Variants in PAK5 observed in about 807,000 individuals in gnomAD.
PAK5 encodes the protein serine/threonine-protein kinase PAK 5.
A neutral mutation model predicts 65.9 loss-of-function variants in PAK5; 16 were observed. The ratio of observed to expected loss-of-function variants is 0.24; its 90% CI spans 0.16 to 0.37. The LOEUF is 0.37. Among genes scored for constraint, PAK5 ranks in the 10% least tolerant of loss-of-function variants. The pLI, the probability that PAK5 is intolerant of heterozygous loss-of-function variation, is 1.00. For synonymous variants in PAK5, 371 were observed against 354.9 expected (o/e 1.05, Z -0.51); for missense variants, 785 against 903.9 (o/e 0.87, Z 1.69).
At chr20:9,736,258 A>C (rs2048388510) in intron 1 of PAK5, among the ~76,000 whole-genome samples, 1 of 152,134 alleles carries the variant, frequency 6.6e-6, no homozygotes, top group Non-Finnish European at 1.5e-5. Context: ...AATGAACAAC[A>C]TATGACCAAC....
chr20:9,684,059 A>G lies in PAK5; in HGVS notation c.-12+27227T>C, dbSNP rs575101926. 2.6e-5 allele frequency among the ~76,000 whole-genome samples: 4 copies of G among 152,338 alleles called. No individual in the cohort carries two copies. The South Asian group carries it at 6.2e-4, about 24-fold the overall frequency. ...ATGGAGCATGTGGAAGAAGACTGCC[A>G]ACAAGAACCAGTCCCATTGGACTAT... On this transcript the variant is annotated intron_variant, in intron 2 of 9. Coordinates refer to ENST00000353224, the MANE Select transcript of PAK5 (RefSeq NM_177990.4).
At chr20:9,714,424 G>A (rs1362650211) in intron 1 of PAK5, among the ~76,000 whole-genome samples, 11 of 152,018 alleles carry the variant, frequency 7.2e-5, no homozygotes, top group African/African-American at 2.4e-4. Flanking sequence ...CTGTAAAAAT[G>A]CAACTACTCT....
intron 2 of PAK5, among the ~76,000 whole-genome samples, chr20:9,674,860 A>G (rs2047547841): frequency 6.6e-6 from 1 of 152,160 alleles, no homozygotes; most frequent in South Asian, 2.1e-4. Flanking sequence ...TTTGTAACCC[A>G]TGTCAGTCAT....
intron 1 of PAK5, among the ~76,000 whole-genome samples, chr20:9,794,793 A>T (rs1053343939): frequency 3.3e-5 from 5 of 152,108 alleles, no homozygotes; most frequent in African/African-American, 4.8e-5. Context: ...ACAGTTCTCA[A>T]ATCTGATATT....
At chr20:9,615,166 G>T (rs2046632413) in intron 3 of PAK5, among the ~76,000 whole-genome samples, 1 of 152,210 alleles carries the variant, frequency 6.6e-6, no homozygotes, top group South Asian at 2.1e-4. Flanking sequence ...TGGTTGTCCG[G>T]GGTTAGGGTG....
At chr20:9,594,496 A>C (rs1019658192) in intron 3 of PAK5, among the ~76,000 whole-genome samples, 1 of 152,214 alleles carries the variant, frequency 6.6e-6, no homozygotes, top group South Asian at 2.1e-4. Context: ...ACTGACATTG[A>C]AAAGGATGCT....
At chr20:9,600,602 A>G (rs2046342766) in intron 3 of PAK5, among the ~76,000 whole-genome samples, 1 of 152,204 alleles carries the variant, frequency 6.6e-6, no homozygotes, top group South Asian at 2.1e-4. Flanking sequence ...CATAATAGAT[A>G]ACCATTATTG....
chr20:9,576,442 C>A (rs528790346), intron 4 of PAK5, among the ~76,000 whole-genome samples: 1 of 152,118 alleles, frequency 6.6e-6, no homozygotes, highest in East Asian at 1.9e-4. Context: ...ATGCTATGGA[C>A]GTCTAGAGGG....
chr20:9,553,210 A>G (rs1330242923), intron 7 of PAK5, among the ~76,000 whole-genome samples: 1 of 152,150 alleles, frequency 6.6e-6, no homozygotes, highest in Non-Finnish European at 1.5e-5. Flanking sequence ...TGTGTAGTGT[A>G]TATAAGTATA....
chr20:9,761,296 G>A (rs535151140), intron 1 of PAK5, among the ~76,000 whole-genome samples: 37 of 152,160 alleles, frequency 2.4e-4, no homozygotes, highest in African/African-American at 6.0e-4. Flanking sequence ...TTACAGGCCC[G>A]TTTAGAATCA....
At chr20:9,800,826 C>A (rs960425042) in intron 1 of PAK5, among the ~76,000 whole-genome samples, 1 of 151,950 alleles carries the variant, frequency 6.6e-6, no homozygotes, top group African/African-American at 2.4e-5. Context: ...CTACAAATCT[C>A]CCCCAACTAA....
chr20:9,771,523 T>A (rs6056854), intron 1 of PAK5, among the ~76,000 whole-genome samples: 1 of 150,434 alleles, frequency 6.6e-6, no homozygotes, highest in South Asian at 2.1e-4. Flanking sequence ...ACCCTCCCAC[T>A]CAGCCTCCCA....
chr20:9,539,733 G>A (rs6086932), intron 9 of PAK5, 116 bp from the exon 10 acceptor site: 33 of 790,804 alleles, frequency 4.2e-5, no homozygotes, highest in Non-Finnish European at 6.6e-5. Flanking sequence ...GTTACCTTAA[G>A]GAGAAAGATG....
chr20:9,832,347 A>G (rs749050659), intron 1 of PAK5, among the ~76,000 whole-genome samples: 16 of 152,064 alleles, frequency 1.1e-4, no homozygotes, highest in Non-Finnish European at 2.1e-4. Flanking sequence ...ATCTCGGCTT[A>G]CTGCAAACTC....
chr20:9,794,752 A>G (rs1406516260), intron 1 of PAK5, among the ~76,000 whole-genome samples: 1 of 152,130 alleles, frequency 6.6e-6, no homozygotes, highest in African/African-American at 2.4e-5. Context: ...ATATTTGCAG[A>G]AAGTCAGCAT....
chr20:9,638,005 G>T (rs2047003387), intron 3 of PAK5, among the ~76,000 whole-genome samples: 1 of 152,098 alleles, frequency 6.6e-6, no homozygotes, highest in Non-Finnish European at 1.5e-5. Context: ...CTATCCATCA[G>T]CAGCATCTGA....
In PAK5 at chr20:9,771,963, G is replaced by A. The variant is rs556753207; in HGVS notation, c.-161-60528C>T. On this transcript the variant is annotated intron_variant, in intron 1 of 9. Coordinates refer to ENST00000353224, the MANE Select transcript of PAK5 (RefSeq NM_177990.4). The stretch of plus-strand genomic sequence containing the variant: ...TGAGGTGGGAGGATTACTTGAACCC[G>A]AGAGGCCGAAGATACAGTGAACAGA... Among the ~76,000 whole-genome samples, 107 of 152,190 alleles carry A rather than the reference G, an allele frequency of 7.0e-4. 1 individual carries two copies. Among genetic ancestry groups the A allele is most frequent in the Non-Finnish European group, 1.2e-3 (80 of 67,998 alleles).
chr20:9,782,614 C>T (rs1173398090), intron 1 of PAK5, among the ~76,000 whole-genome samples: 1 of 152,054 alleles, frequency 6.6e-6, no homozygotes, highest in Non-Finnish European at 1.5e-5. Flanking sequence ...GAGAGGGGTC[C>T]CTGGGTGCTC....
intron 7 of PAK5, among the ~76,000 whole-genome samples, chr20:9,553,917 A>G (rs1432931817): frequency 6.6e-6 from 1 of 152,164 alleles, no homozygotes; most frequent in Non-Finnish European, 1.5e-5. Flanking sequence ...ATTTTGAAAA[A>G]GAACTGCCAA....
Sources: allele counts gnomAD v4.1 joint callset (sites outside exome capture counted in the v4.1 genomes callset), GRCh38; gene constraint gnomAD v4.1.1; transcripts MANE v1.5; gene names NCBI Gene and HGNC (gene_info 2026-07-23, HGNC 2026-07-21).